Variants in PCDHGB2 observed in about 807,000 individuals in gnomAD.
The protein encoded by PCDHGB2 is protocadherin gamma-B2.
A neutral mutation model predicts 59.3 loss-of-function variants in PCDHGB2; 55 were observed. The ratio of observed to expected loss-of-function variants is 0.93; its 90% CI spans 0.75 to 1.16. The LOEUF is 1.16. Among genes scored for constraint, PCDHGB2 ranks in the 50% most tolerant of loss-of-function variants. The probability of loss-of-function intolerance (pLI) is 0.00; values close to 1 mark genes in which losing one functional copy is unlikely to be tolerated. For missense variants in PCDHGB2, 1,228 were observed against 1,198.5 expected, an observed-to-expected ratio of 1.02 and a Z score of -0.36; for synonymous variants, 516 against 512.0, an observed-to-expected ratio of 1.01 and a Z score of -0.11.
chr5:141,405,331 C>G (rs1561699778), intron 1 of PCDHGB2: 1 of 1,614,186 alleles, frequency 6.2e-7, no homozygotes, highest in Non-Finnish European at 8.5e-7. Flanking sequence ...CTTTGTGCGT[C>G]TCTGTTGATT....
chr5:141,446,260 TA>T (rs1207497940), intron 1 of PCDHGB2, among the ~76,000 whole-genome samples: 4 of 152,130 alleles, frequency 2.6e-5, no homozygotes, highest in Non-Finnish European at 4.4e-5. Context: ...GAAATATTAT[TA>T]ACTGAATAAA....
At chr5:141,483,937 C>T (rs964918788) in intron 1 of PCDHGB2, among the ~76,000 whole-genome samples, 1 of 130,444 alleles carries the variant, frequency 7.7e-6, no homozygotes, top group African/African-American at 2.9e-5. Flanking sequence ...TAGGTACCTA[C>T]GGTGTGAATT....
chr5:141,461,347 G>C (rs2154567331), intron 1 of PCDHGB2, among the ~76,000 whole-genome samples: 1 of 152,242 alleles, frequency 6.6e-6, no homozygotes, highest in Admixed American at 6.5e-5. Flanking sequence ...GGACCAAGGT[G>C]GTAGCTCGTT....
At chr5:141,499,029 A>AAGGAAGGAAGGAAGG (rs1562187768) in intron 2 of PCDHGB2, among the ~76,000 whole-genome samples, 10 of 139,968 alleles carry the variant, frequency 7.1e-5, no homozygotes, top group African/African-American at 2.8e-4. Context: ...AGGAAGGAAG[A>AAGGAAGGAAGGAAGG]AAAGAAAGAA....
rs1015619417 is a variant in PCDHGB2 at position 141,455,526 on chromosome 5, C to T, written c.2422-39281C>T. Among the ~76,000 whole-genome samples the T allele has an allele frequency of 2.0e-5, 3 of 152,106 alleles. 1 individual carries two copies. Among genetic ancestry groups the T allele is most frequent in the South Asian group, 4.1e-4 (2 of 4,826 alleles). ...CATAGGGCTCAGGGGATTGGTTTGA[C>T]CAGGCATATCATTCACGTAGCCCGA... On this transcript the variant is annotated intron_variant, in intron 1 of 3. Coordinates refer to ENST00000522605, the MANE Select transcript of PCDHGB2 (RefSeq NM_018923.3).
chr5:141,508,269 C>G (rs1459186158), intron 3 of PCDHGB2: 1 of 152,186 alleles, frequency 6.6e-6, no homozygotes, highest in Non-Finnish European at 1.5e-5. Flanking sequence ...GAGAAAATCC[C>G]GGTCCTTGAC....
chr5:141,477,817 C>G lies in PCDHGB2; in HGVS notation c.2422-16990C>G, dbSNP rs1593824080. 2 of 1,614,138 alleles carry G rather than the reference C, an allele frequency of 1.2e-6. No individual in the cohort carries two copies. The highest frequency in any genetic ancestry group is 8.5e-7 in the Non-Finnish European group (1 of 1,180,038). ...ATCGCAATGACAATGCCCCCCAGGT[C>G]CTATATCCTCGGCCAGGTGGGAGCT... is the stretch of plus-strand genomic sequence containing the variant. On this transcript the variant is annotated intron_variant, in intron 1 of 3. Coordinates refer to ENST00000522605, the MANE Select transcript of PCDHGB2 (RefSeq NM_018923.3). This position sits in a 1 kb window ranked among gnomAD's most constrained non-coding sequence, Gnocchi z 4.9.
Position 141,360,306 on chromosome 5 carries a change from C to T in PCDHGB2, c.171C>T (p.Ser57=), listed in dbSNP as rs1354179747. ...VGNLAKDLGL[S]VRDLPARKLR... is the part of the protein sequence containing the mutation. Reference sequence around the variant, plus strand: ...ACCTCGCCAAGGATCTGGGGCTCAGCGTCCGGGACTTGCCAGCCCGGAAGC... The same window carrying T: ...ACCTCGCCAAGGATCTGGGGCTCAGTGTCCGGGACTTGCCAGCCCGGAAGC... The change falls in exon 1 of 4, where the codon AGC becomes AGT. Residue 57 remains serine (S), a synonymous_variant. Transcript: ENST00000522605. The T allele has an allele frequency of 6.2e-7, 1 of 1,613,952 alleles. No homozygotes were observed. The highest frequency in any genetic ancestry group is 8.5e-7 in the Non-Finnish European group (1 of 1,179,886).
At chr5:141,382,989 T>C (rs1377336206) in intron 1 of PCDHGB2, 5 of 1,613,356 alleles carry the variant, frequency 3.1e-6, no homozygotes, top group East Asian at 2.2e-5. Context: ...GGGCAGGACG[T>C]ATTCTCTACT....
At chr5:141,481,943 G>C (rs1454871018) in intron 1 of PCDHGB2, among the ~76,000 whole-genome samples, 1 of 148,544 alleles carries the variant, frequency 6.7e-6, no homozygotes, top group South Asian at 2.1e-4. Context: ...AAATCAGCCA[G>C]ATGTGGTGGC....
chr5:141,372,338 T>C, intron 1 of PCDHGB2: 1 of 1,613,820 alleles, frequency 6.2e-7, no homozygotes, highest in Non-Finnish European at 8.5e-7. Context: ...CTGTGCGTGA[T>C]GGAGGACAGC....
At position 141,485,880 on chromosome 5, in the gene PCDHGB2, A is replaced by G; in HGVS notation, c.2422-8927A>G. 1 of 1,614,124 alleles carries G rather than the reference A, an allele frequency of 6.2e-7. No individual in the cohort carries two copies. Among genetic ancestry groups the G allele is most frequent in the Non-Finnish European group, 8.5e-7 (1 of 1,180,026 alleles). On this transcript the variant is annotated intron_variant, in intron 1 of 3. Transcript: ENST00000522605. The surrounding 1 kb of genome is among the most constrained non-coding windows in gnomAD (Gnocchi z 5.7). ...CTCCGGGTATCCGTGCTGGACGTAA[A>G]CGACAACGCCCCAGCCTTCCAGCAA... is the stretch of plus-strand genomic sequence containing the variant.
chr5:141,371,694 T>C, intron 1 of PCDHGB2: 1 of 1,614,030 alleles, frequency 6.2e-7, no homozygotes, highest in African/African-American at 1.3e-5. Flanking sequence ...ACCGCTCTCC[T>C]CCAGCAAGAC....
intron 1 of PCDHGB2, chr5:141,366,556 C>T (rs1764642074): frequency 3.1e-6 from 5 of 1,614,234 alleles, no homozygotes; most frequent in East Asian, 2.2e-5. Flanking sequence ...ACTTTGTGGG[C>T]GTGGATGGGG....
Position 141,487,246 on chromosome 5 carries a change from C to T in PCDHGB2, c.2422-7561C>T. 1 of 1,614,166 alleles carries T rather than the reference C, an allele frequency of 6.2e-7. No individual in the cohort carries two copies. The highest frequency in any genetic ancestry group is 8.5e-7 in the Non-Finnish European group (1 of 1,180,014). ...GGGAAGGAGAATCTCGTCTAACCCTCTACTTGGCTGTGTCCCTAGTGGCAA... is the reference window on the plus strand; with the variant it reads ...GGGAAGGAGAATCTCGTCTAACCCTTTACTTGGCTGTGTCCCTAGTGGCAA... On this transcript the variant is annotated intron_variant, in intron 1 of 3. Coordinates refer to ENST00000522605, the MANE Select transcript of PCDHGB2 (RefSeq NM_018923.3). This position sits in a 1 kb window ranked among gnomAD's most constrained non-coding sequence, Gnocchi z 5.0.
intron 1 of PCDHGB2, among the ~76,000 whole-genome samples, chr5:141,447,975 A>G (rs1352829510): frequency 6.6e-6 from 1 of 151,928 alleles, no homozygotes; most frequent in Non-Finnish European, 1.5e-5. Flanking sequence ...AATCCCAGCT[A>G]CTCGGGAGGC....
chr5:141,418,041 T>C lies in PCDHGB2; in HGVS notation c.2421+55485T>C, dbSNP rs764313049. The C allele has an allele frequency of 1.2e-6, 2 of 1,613,858 alleles. No individual in the cohort carries two copies. Among genetic ancestry groups the C allele is most frequent in the Non-Finnish European group, 1.7e-6 (2 of 1,179,856 alleles). On this transcript the variant is annotated intron_variant, in intron 1 of 3. Transcript: ENST00000522605. ...GATCTAGGGCTTAGTGTCCTGGATG[T>C]GTCGGCTCGCGAGCTGCGAGTGAGC... is the stretch of plus-strand genomic sequence containing the variant.
At chr5:141,428,154 T>G (rs760002801) in intron 1 of PCDHGB2, 29 of 1,578,806 alleles carry the variant, frequency 1.8e-5, no homozygotes, top group African/African-American at 1.3e-5. Flanking sequence ...CACGGGAACC[T>G]GCTGGTTGCT....
intron 1 of PCDHGB2, chr5:141,366,607 C>T (rs200161061): frequency 6.8e-5 from 110 of 1,614,150 alleles, no homozygotes; most frequent in Non-Finnish European, 9.1e-5. Flanking sequence ...AGGTCTCCCT[C>T]ACCGCGGACT....
Sources: gnomAD v4.1 joint callset for allele counts (sites outside exome capture counted in the v4.1 genomes callset) on GRCh38, gnomAD v4.1.1 for gene constraint, Gnocchi (gnomAD v3.1) non-coding constraint, MANE v1.5 for transcripts, NCBI Gene and HGNC (gene_info 2026-07-23, HGNC 2026-07-21) for gene names.